UBAP2: variants seen among roughly 807,000 people sequenced by gnomAD.
UBAP2 encodes ubiquitin-associated protein 2.
Under a neutral mutation model 139.6 loss-of-function variants are expected in UBAP2, and 75 were observed. That is an observed-to-expected ratio of 0.54 (90% confidence interval 0.45 to 0.65). UBAP2 has a LOEUF of 0.65. UBAP2 is among the 30% of genes least tolerant of loss of function. UBAP2 has a pLI of 0.00. For missense variants in UBAP2, 1,368 were observed against 1,369.6 expected (o/e 1.00, Z 0.02); for synonymous variants, 526 against 526.2 (o/e 1.00, Z 0.01).
chr9:33,959,394 G>C (rs945753668), intron 10 of UBAP2, among the ~76,000 whole-genome samples: 34 of 152,152 alleles, frequency 2.2e-4, no homozygotes, highest in African/African-American at 7.7e-4. Context: ...CAGAGAAAAA[G>C]ACAGAATCTC....
intron 1 of UBAP2, among the ~76,000 whole-genome samples, chr9:34,033,304 T>C (rs1826045845): frequency 6.6e-6 from 1 of 152,172 alleles, no homozygotes; most frequent in African/African-American, 2.4e-5. Context: ...GATCCTGTCA[T>C]TTGAAACAAC....
In UBAP2 at chr9:33,982,003, G is replaced by C. The variant is rs545428615; in HGVS notation, c.520+4757C>G. 1.9e-3 allele frequency among the ~76,000 whole-genome samples: 294 copies of C among 152,254 alleles called. 2 individuals are homozygous for C. The highest frequency in any genetic ancestry group is 6.6e-3 in the African/African-American group (274 of 41,546). Reference sequence around the variant, plus strand: ...CCTCTCTTCAGGATACTGGTGAGAAGAACAGAATTGTTAAGATATAAGACA... The same window carrying C: ...CCTCTCTTCAGGATACTGGTGAGAACAACAGAATTGTTAAGATATAAGACA... On this transcript the variant is annotated intron_variant, in intron 6 of 28. Coordinates refer to ENST00000379238, the MANE Select transcript of UBAP2 (RefSeq NM_001370062.2).
Position 33,996,270 on chromosome 9 carries a change from C to T in UBAP2, c.241G>A (p.Asp81Asn). The T allele has an allele frequency of 1.9e-6, 3 of 1,613,768 alleles. No individual in the cohort carries two copies. The highest frequency in any genetic ancestry group is 2.5e-6 in the Non-Finnish European group (3 of 1,179,930). The part of the protein sequence containing the change: ...CIVALHDCNG[D>N]VNKAINILLE... The stretch of plus-strand genomic sequence containing the variant: ...AATATATTGATAGCTTTGTTCACAT[C>T]TCCATTACAATCATGTAGGGCCACT... Residue 81 changes from aspartate to asparagine, a missense_variant, in exon 4 of 29, where the codon GAT (aspartate) becomes AAT (asparagine). Physicochemically the swap from Asp to Asn is conservative, Grantham distance 23. Transcript: ENST00000379238.
At chr9:34,031,937 G>C (rs1052309118) in intron 1 of UBAP2, among the ~76,000 whole-genome samples, 1 of 152,136 alleles carries the variant, frequency 6.6e-6, no homozygotes, top group African/African-American at 2.4e-5. Flanking sequence ...AGGAGTTTGA[G>C]ACCAGCCTGG....
At chr9:33,960,578 C>T (rs1826964488) in intron 10 of UBAP2, among the ~76,000 whole-genome samples, 1 of 151,902 alleles carries the variant, frequency 6.6e-6, no homozygotes, top group African/African-American at 2.4e-5. Flanking sequence ...GAGTTTGAGA[C>T]CACCCTGACC....
chr9:34,034,342 T>C (rs1826140092), intron 1 of UBAP2, among the ~76,000 whole-genome samples: 2 of 152,164 alleles, frequency 1.3e-5, no homozygotes, highest in African/African-American at 4.8e-5. Flanking sequence ...TTAGTAAAAG[T>C]ATATTGCTTT....
intron 1 of UBAP2, among the ~76,000 whole-genome samples, chr9:34,028,434 CAGTG>C (rs1564070298): frequency 6.6e-6 from 1 of 151,462 alleles, no homozygotes; most frequent in African/African-American, 2.4e-5. Flanking sequence ...GGCTGGAGTG[CAGTG>C]GCGCAACACT....
At chr9:33,991,422 C>T (rs1425921408) in intron 4 of UBAP2, among the ~76,000 whole-genome samples, 1 of 152,098 alleles carries the variant, frequency 6.6e-6, no homozygotes, top group Admixed American at 6.6e-5. Flanking sequence ...ACTAAGTAGT[C>T]TAGTGTATCC....
chr9:33,988,956 A>G lies in UBAP2; in HGVS notation c.442+17T>C. 1 of 1,594,838 alleles carries G rather than the reference A, an allele frequency of 6.3e-7. No homozygotes were observed. Among genetic ancestry groups the G allele is most frequent in the Non-Finnish European group, 8.5e-7 (1 of 1,173,312 alleles). ...GATGAAAGAAGAGAAAAAACTGAGGAGAAAGTCTGTACTTACATTCTCTGC... is the reference window on the plus strand; with the variant it reads ...GATGAAAGAAGAGAAAAAACTGAGGGGAAAGTCTGTACTTACATTCTCTGC... On this transcript the variant is annotated intron_variant, in intron 5 of 28. Coordinates refer to ENST00000379238, the MANE Select transcript of UBAP2 (RefSeq NM_001370062.2).
chr9:34,018,891 AAAAT>A (rs1310563258), intron 1 of UBAP2, among the ~76,000 whole-genome samples: 8 of 151,992 alleles, frequency 5.3e-5, no homozygotes, highest in Non-Finnish European at 7.4e-5. Context: ...TTAAAAATAA[AAAAT>A]AAATTAATTA....
intron 4 of UBAP2, among the ~76,000 whole-genome samples, chr9:33,993,202 A>G (rs904238508): frequency 4.6e-5 from 7 of 152,220 alleles, no homozygotes; most frequent in Admixed American, 3.9e-4. Flanking sequence ...ACCTTTTCCA[A>G]GTAATAATTT....
At position 33,986,209 on chromosome 9, in the gene UBAP2, C is replaced by T. The variant is rs947113834; in HGVS notation, c.520+551G>A. Among the ~76,000 whole-genome samples, 4 of 152,002 alleles carry T rather than the reference C, an allele frequency of 2.6e-5. 1 individual carries two copies. Among genetic ancestry groups the T allele is most frequent in the Admixed American group, 1.3e-4 (2 of 15,256 alleles). Reference sequence around the variant, plus strand: ...CTGGGACTACAGGTGCGTGCCACCACACTTAGCTATTTTTTATATTTTTTG... The same window carrying T: ...CTGGGACTACAGGTGCGTGCCACCATACTTAGCTATTTTTTATATTTTTTG... On this transcript the variant is annotated intron_variant, in intron 6 of 28. Transcript: ENST00000379238.
intron 2 of UBAP2, among the ~76,000 whole-genome samples, chr9:34,002,990 T>C (rs2131210933): frequency 6.6e-6 from 1 of 152,204 alleles, no homozygotes; most frequent in South Asian, 2.1e-4. Flanking sequence ...GCCCGGCCTA[T>C]ATCTTTCTTA....
At chr9:33,963,022 T>G (rs559861155) in intron 9 of UBAP2, among the ~76,000 whole-genome samples, 3 of 151,980 alleles carry the variant, frequency 2.0e-5, no homozygotes, top group Non-Finnish European at 4.4e-5. Flanking sequence ...TAAAAAAGAC[T>G]GGCCTACCAC....
In UBAP2 at chr9:33,923,640, A is replaced by AAAGTGACCTTGTCCCCAG. The variant is rs1823140290; in HGVS notation, c.2796+137_2796+154dup. Among the ~76,000 whole-genome samples the AAAGTGACCTTGTCCCCAG allele has an allele frequency of 9.2e-5, 14 of 152,326 alleles. No homozygotes were observed. In the South Asian group the frequency reaches 2.9e-3, roughly 32 times the overall value. On this transcript the variant is annotated intron_variant, in intron 24 of 28. Coordinates refer to ENST00000379238, the MANE Select transcript of UBAP2 (RefSeq NM_001370062.2). Reference sequence around the variant, plus strand: ...TGCTGGATCTAAACACAGCAGGGGAAAAGTGACCTTGTCCCCAGCCTGAAC... The same window carrying AAAGTGACCTTGTCCCCAG: ...TGCTGGATCTAAACACAGCAGGGGAAAAGTGACCTTGTCCCCAGAAGTGACCTTGTCCCCAGCCTGAAC...
At chr9:33,926,450 C>T (rs1042576862) in intron 22 of UBAP2, among the ~76,000 whole-genome samples, 167 bp downstream of exon 22, 20 of 152,168 alleles carry the variant, frequency 1.3e-4, no homozygotes, top group Admixed American at 7.2e-4. Context: ...GCTATGGTCA[C>T]GCCTGGCACA....
At chr9:34,035,070 C>G (rs1358824052) in intron 1 of UBAP2, among the ~76,000 whole-genome samples, 1 of 152,066 alleles carries the variant, frequency 6.6e-6, no homozygotes, top group Non-Finnish European at 1.5e-5. Flanking sequence ...CTAAACATCT[C>G]CTTAACCTTC....
intron 2 of UBAP2, among the ~76,000 whole-genome samples, chr9:34,007,515 T>G (rs1189627408): frequency 3.9e-5 from 6 of 152,094 alleles, no homozygotes. Context: ...CCTTTATTAT[T>G]TTGAGGTATG....
At position 33,927,663 on chromosome 9, in the gene UBAP2, T is replaced by G. The variant is rs60832136; in HGVS notation, c.2371+134A>C. ...CCATCAGGGGTGGGGAGATTGGGCC[T>G]CAAGGTCAGTGGAACACGCAGCGCA... On this transcript the variant is annotated intron_variant, in intron 20 of 28. Coordinates refer to ENST00000379238, the MANE Select transcript of UBAP2 (RefSeq NM_001370062.2). The G allele has an allele frequency of 8.6e-4, 784 of 906,372 alleles. 14 individuals are homozygous for G. The East Asian group carries it at 0.021, about 24-fold the overall frequency. The allele number at this position is 906,372 out of a possible 1,614,324, so 56.1% of individuals were successfully genotyped here. A position where few individuals can be genotyped will look rare whatever the true frequency, so the allele number is the denominator to read the frequency against.
Sources: gnomAD v4.1 joint callset for allele counts (sites outside exome capture counted in the v4.1 genomes callset) on GRCh38, gnomAD v4.1.1 for gene constraint, MANE v1.5 for transcripts, NCBI Gene and HGNC (gene_info 2026-07-23, HGNC 2026-07-21) for gene names.